LARP1B: variants seen among roughly 807,000 people sequenced by gnomAD.
LARP1B encodes La ribonucleoprotein 1B, also known as la-related protein 1B.
Under a neutral mutation model 114.2 loss-of-function variants are expected in LARP1B, and 76 were observed. The ratio of observed to expected loss-of-function variants is 0.67; its 90% CI spans 0.55 to 0.81. The LOEUF (loss-of-function observed/expected upper bound fraction) is 0.81. LARP1B is among the 30% of genes least tolerant of loss of function. The pLI, the probability that LARP1B is intolerant of heterozygous loss-of-function variation, is 0.00. For synonymous variants in LARP1B, 345 were observed against 348.0 expected, an observed-to-expected ratio of 0.99 and a Z score of 0.10; for missense variants, 1,014 against 1,075.8, an observed-to-expected ratio of 0.94 and a Z score of 0.80.
At chr4:128,170,872 C>CT (rs70966085) in intron 12 of LARP1B, among the ~76,000 whole-genome samples, 5,178 of 94,944 alleles carry the variant, frequency 0.055, 170 homozygotes, top group East Asian at 0.098. Flanking sequence ...TTTTTCTTTT[C>CT]TTTTTTTTTT....
chr4:128,181,294 C>T (rs1220171692), intron 15 of LARP1B, among the ~76,000 whole-genome samples: 1 of 151,292 alleles, frequency 6.6e-6, no homozygotes, highest in Non-Finnish European at 1.5e-5. Flanking sequence ...GGTGAGGACT[C>T]AACCTCCTGA....
intron 12 of LARP1B, among the ~76,000 whole-genome samples, chr4:128,176,295 AT>A (rs1319926775): frequency 2.8e-5 from 4 of 145,142 alleles, no homozygotes; most frequent in Admixed American, 2.1e-4. Flanking sequence ...GTATATATAT[AT>A]ATATATTTTT....
chr4:128,074,796 G>C, intron 2 of LARP1B, 138 bp from the exon 3 acceptor site: 1 of 586,344 alleles, frequency 1.7e-6, no homozygotes, highest in East Asian at 2.9e-5. Flanking sequence ...GAAACTTTTT[G>C]ATTAATTTGG....
At chr4:128,192,837 T>G (rs1317006219) in intron 15 of LARP1B, among the ~76,000 whole-genome samples, 2 of 152,026 alleles carry the variant, frequency 1.3e-5, no homozygotes, top group Admixed American at 6.6e-5. Flanking sequence ...TCTTTGTTTT[T>G]TTTTTTTAAA....
intron 11 of LARP1B, among the ~76,000 whole-genome samples, chr4:128,136,546 T>G (rs1725405734): frequency 6.6e-6 from 1 of 152,164 alleles, no homozygotes; most frequent in Non-Finnish European, 1.5e-5. Flanking sequence ...AATCCACTGT[T>G]GTAATTTACT....
intron 11 of LARP1B, among the ~76,000 whole-genome samples, chr4:128,138,674 AC>A (rs1726537038): frequency 6.6e-6 from 1 of 152,114 alleles, no homozygotes; most frequent in Non-Finnish European, 1.5e-5. Flanking sequence ...AAAAGGCTAA[AC>A]AGCTGGGCAT....
chr4:128,070,473 C>T (rs549630517), intron 1 of LARP1B, among the ~76,000 whole-genome samples: 2 of 151,730 alleles, frequency 1.3e-5, no homozygotes, highest in South Asian at 4.2e-4. Flanking sequence ...CCAGCCTGGC[C>T]AACATGGTGA....
chr4:128,206,577 T>C (rs1282065497), intron 18 of LARP1B, 40 bp downstream of exon 18: 4 of 1,574,268 alleles, frequency 2.5e-6, no homozygotes, highest in Non-Finnish European at 2.6e-6. Flanking sequence ...TAATTGGAAA[T>C]TGTAAACCTG....
chr4:128,155,660 T>G (rs2150365724), intron 11 of LARP1B: 1 of 1,558,138 alleles, frequency 6.4e-7, no homozygotes, highest in Non-Finnish European at 8.8e-7. Context: ...CCGCCTCCAG[T>G]GGTGTGTCCA....
intron 10 of LARP1B, among the ~76,000 whole-genome samples, chr4:128,121,239 A>G (rs576314980): frequency 3.3e-5 from 5 of 152,372 alleles, no homozygotes; most frequent in African/African-American, 1.2e-4. Flanking sequence ...ATTGTGAGGT[A>G]AAAAGGTTCG....
intron 3 of LARP1B, among the ~76,000 whole-genome samples, chr4:128,077,043 T>C (rs1039670435): frequency 2.6e-5 from 4 of 152,102 alleles, no homozygotes; most frequent in African/African-American, 4.8e-5. Flanking sequence ...ACCGATAATA[T>C]GGTCAAGTTT....
At chr4:128,101,219 A>T in intron 8 of LARP1B, among the ~76,000 whole-genome samples, 1 of 149,650 alleles carries the variant, frequency 6.7e-6, no homozygotes, top group Non-Finnish European at 1.5e-5. Context: ...CATGCCTGTA[A>T]TCCCAGCACT....
At chr4:128,070,408 C>T (rs1007119716) in intron 1 of LARP1B, among the ~76,000 whole-genome samples, 7 of 152,094 alleles carry the variant, frequency 4.6e-5, no homozygotes, top group African/African-American at 7.2e-5. Flanking sequence ...TGCCTGCAAT[C>T]CGAGCACTTT....
At chr4:128,082,388 C>A in intron 5 of LARP1B, 83 bp downstream of exon 5, 1 of 1,250,790 alleles carries the variant, frequency 8.0e-7, no homozygotes, top group Non-Finnish European at 1.2e-6. Context: ...ATGTATAAAC[C>A]ATTTGAGAAT....
chr4:128,220,836 G>A (rs1377536782), intron 7 of LARP1B, among the ~76,000 whole-genome samples: 4 of 152,138 alleles, frequency 2.6e-5, no homozygotes, highest in Non-Finnish European at 5.9e-5. Flanking sequence ...CCTAAAACAC[G>A]ATAAACTTAA....
chr4:128,094,076 A>T (rs1328256664), intron 7 of LARP1B, among the ~76,000 whole-genome samples: 4 of 151,250 alleles, frequency 2.6e-5, no homozygotes, highest in African/African-American at 9.7e-5. Context: ...CTTTTTAAAA[A>T]TTTTTTTGAG....
At chr4:128,065,422 C>G (rs1013154633) in intron 1 of LARP1B, among the ~76,000 whole-genome samples, 1 of 148,134 alleles carries the variant, frequency 6.8e-6, no homozygotes, top group African/African-American at 2.5e-5. Flanking sequence ...GTTTCCCAGG[C>G]TGGTCTTGAA....
intron 4 of LARP1B, among the ~76,000 whole-genome samples, chr4:128,079,127 C>G (rs1317014946): frequency 6.8e-6 from 1 of 148,096 alleles, no homozygotes; most frequent in African/African-American, 2.5e-5. Flanking sequence ...CAGAGTCTTG[C>G]TCTGTCACCC....
chr4:128,180,360 A>G (rs1317704184), intron 15 of LARP1B, among the ~76,000 whole-genome samples: 2 of 152,256 alleles, frequency 1.3e-5, no homozygotes, highest in Non-Finnish European at 2.9e-5. Context: ...ACTGGTTACT[A>G]GAAAAGAAGG....
Sources: gnomAD v4.1 joint callset for allele counts (sites outside exome capture counted in the v4.1 genomes callset) on GRCh38, gnomAD v4.1.1 for gene constraint, MANE v1.5 for transcripts, NCBI Gene and HGNC (gene_info 2026-07-23, HGNC 2026-07-21) for gene names.